The following GABRG3 variants were observed in gnomAD, a reference collection of about 807,000 sequenced individuals.
GABRG3 encodes the protein gamma-aminobutyric acid receptor subunit gamma-3.
GABRG3 carries 25 observed loss-of-function variants against 48.8 expected under a neutral mutation model. The observed-to-expected ratio is 0.51, with a 90% CI of 0.37 to 0.72. The LOEUF is 0.72. GABRG3 is among the 30% of genes least tolerant of loss of function. GABRG3 has a pLI of 0.00. For missense variants in GABRG3, 394 were observed against 577.9 expected (o/e 0.68, Z 3.26); for synonymous variants, 227 against 217.6 (o/e 1.04, Z -0.38).
intron 3 of GABRG3, among the ~76,000 whole-genome samples, chr15:27,226,337 G>T (rs1039591004): frequency 6.6e-6 from 1 of 152,182 alleles, no homozygotes; most frequent in East Asian, 1.9e-4. Context: ...GGGACTGAGC[G>T]TGGTCAGGGA....
chr15:27,194,249 CACA>C (rs534472053), intron 3 of GABRG3, among the ~76,000 whole-genome samples: 34 of 152,134 alleles, frequency 2.2e-4, no homozygotes, highest in Non-Finnish European at 4.9e-4. Flanking sequence ...ATACGTTGAG[CACA>C]ACATCAGATG....
Position 27,269,316 on chromosome 15 carries a change from C to G in GABRG3, c.271-57493C>G, listed in dbSNP as rs142456173. ...TATTGGTCTACTTTATCCTGTACCTCCCTTAGGCCCCCTGGACCTGCCCAC... is the reference window on the plus strand; with the variant it reads ...TATTGGTCTACTTTATCCTGTACCTGCCTTAGGCCCCCTGGACCTGCCCAC... On this transcript the variant is annotated intron_variant, in intron 3 of 9. Transcript: ENST00000615808. Among the ~76,000 whole-genome samples, 3 of 152,316 alleles carry G rather than the reference C, an allele frequency of 2.0e-5. No homozygotes were observed. The East Asian group carries it at 5.8e-4, about 29-fold the overall frequency.
intron 3 of GABRG3, among the ~76,000 whole-genome samples, chr15:27,316,528 A>T (rs1160226632): frequency 6.6e-6 from 1 of 152,250 alleles, no homozygotes; most frequent in Non-Finnish European, 1.5e-5. Flanking sequence ...GTCAGATTAA[A>T]GAAATAATAC....
intron 5 of GABRG3, among the ~76,000 whole-genome samples, chr15:27,452,265 T>C (rs1448919021): frequency 6.6e-6 from 1 of 152,084 alleles, no homozygotes; most frequent in African/African-American, 2.4e-5. Context: ...AAGGGAACCA[T>C]TGCACACTGT....
chr15:27,131,923 A>G (rs1328064077), intron 3 of GABRG3, among the ~76,000 whole-genome samples: 3 of 151,966 alleles, frequency 2.0e-5, no homozygotes, highest in African/African-American at 7.2e-5. Flanking sequence ...GGCCATTTTC[A>G]TGTCTTCTTT....
intron 5 of GABRG3, among the ~76,000 whole-genome samples, chr15:27,432,778 A>C (rs901581515): frequency 1.3e-5 from 2 of 152,174 alleles, no homozygotes; most frequent in Non-Finnish European, 2.9e-5. Context: ...TGCTATTGGC[A>C]TCAAGAAGAA....
At chr15:27,436,882 G>C (rs1008461944) in intron 5 of GABRG3, among the ~76,000 whole-genome samples, 11 of 152,102 alleles carry the variant, frequency 7.2e-5, no homozygotes, top group African/African-American at 2.4e-4. Flanking sequence ...TGTGGTCCCA[G>C]CTACACAGAA....
chr15:27,430,420 CT>C (rs927390931), intron 5 of GABRG3, among the ~76,000 whole-genome samples: 5 of 151,898 alleles, frequency 3.3e-5, no homozygotes, highest in South Asian at 2.1e-4. Flanking sequence ...ATAATTTGAC[CT>C]TTTTTTTCCT....
chr15:27,315,486 A>C (rs900876780), intron 3 of GABRG3, among the ~76,000 whole-genome samples: 2 of 152,210 alleles, frequency 1.3e-5, no homozygotes, highest in Admixed American at 1.3e-4. Context: ...CCTGGCACAA[A>C]ATATAGTGAT....
intron 5 of GABRG3, among the ~76,000 whole-genome samples, chr15:27,389,786 C>T (rs927775697): frequency 2.0e-5 from 3 of 152,176 alleles, no homozygotes; most frequent in Admixed American, 6.5e-5. Flanking sequence ...TGCTTTTCAT[C>T]GCTTCCTTTA....
intron 2 of GABRG3, among the ~76,000 whole-genome samples, chr15:26,979,267 C>T (rs531987387): frequency 2.0e-5 from 3 of 152,080 alleles, no homozygotes; most frequent in Non-Finnish European, 2.9e-5. Context: ...TTTCTATGTA[C>T]ACCATCATTG....
At chr15:27,299,134 A>G (rs930592324) in intron 3 of GABRG3, among the ~76,000 whole-genome samples, 5 of 152,020 alleles carry the variant, frequency 3.3e-5, no homozygotes, top group African/African-American at 1.2e-4. Flanking sequence ...AAATACAAAA[A>G]CTAGCTGGGT....
chr15:27,103,858 T>C (rs1897403300), intron 3 of GABRG3, among the ~76,000 whole-genome samples: 1 of 152,234 alleles, frequency 6.6e-6, no homozygotes, highest in Non-Finnish European at 1.5e-5. Context: ...GCTGCTCTTA[T>C]ATATGTCTTC....
chr15:27,133,136 T>G (rs980839908), intron 3 of GABRG3, among the ~76,000 whole-genome samples: 1 of 152,200 alleles, frequency 6.6e-6, no homozygotes, highest in African/African-American at 2.4e-5. Context: ...TTTAGATTTA[T>G]AGTTTTATTC....
At chr15:27,258,114 C>T (rs1370362691) in intron 3 of GABRG3, among the ~76,000 whole-genome samples, 1 of 152,066 alleles carries the variant, frequency 6.6e-6, no homozygotes, top group Non-Finnish European at 1.5e-5. Flanking sequence ...TGAGGGGTGG[C>T]CATGGCCTCA....
intron 9 of GABRG3, chr15:27,530,642 TC>T (rs1415693227): frequency 2.1e-6 from 1 of 471,160 alleles, no homozygotes. Flanking sequence ...GCCTGTGGCC[TC>T]CAAGGGTTGC....
intron 6 of GABRG3, among the ~76,000 whole-genome samples, chr15:27,484,574 TA>T (rs1388184936): frequency 6.6e-6 from 1 of 152,182 alleles, no homozygotes; most frequent in Non-Finnish European, 1.5e-5. Context: ...GAGCAATAAG[TA>T]CCCTTAGTGC....
intron 3 of GABRG3, among the ~76,000 whole-genome samples, chr15:27,069,795 A>G (rs1232780377): frequency 6.6e-6 from 1 of 152,240 alleles, no homozygotes; most frequent in Non-Finnish European, 1.5e-5. Flanking sequence ...CAGAGTATAA[A>G]TACCCATGTT....
chr15:27,219,011 C>T (rs1889360132), intron 3 of GABRG3, among the ~76,000 whole-genome samples: 1 of 152,138 alleles, frequency 6.6e-6, no homozygotes, highest in Admixed American at 6.5e-5. Flanking sequence ...TCTGGGAGGG[C>T]AAGCATTCTC....
Sources: gnomAD v4.1 joint callset for allele counts (sites outside exome capture counted in the v4.1 genomes callset) on GRCh38, gnomAD v4.1.1 for gene constraint, MANE v1.5 for transcripts, NCBI Gene and HGNC (gene_info 2026-07-23, HGNC 2026-07-21) for gene names.